Variants in MPRIP observed in about 807,000 individuals in gnomAD.
MPRIP encodes the protein myosin phosphatase Rho-interacting protein.
Under a neutral mutation model 234.9 loss-of-function variants are expected in MPRIP, and 59 were observed. The observed-to-expected ratio is 0.25, with a 90% CI of 0.20 to 0.31. The LOEUF (loss-of-function observed/expected upper bound fraction) is 0.31. Among genes scored for constraint, MPRIP ranks in the 10% least tolerant of loss-of-function variants. MPRIP has a pLI of 1.00. For missense variants in MPRIP, 2,436 were observed against 3,071.0 expected (o/e 0.79, Z 4.89); for synonymous variants, 1,144 against 1,263.9 (o/e 0.91, Z 2.01).
chr17:17,161,107 A>G (rs754194753), intron 14 of MPRIP, 133 bp from the exon 15 acceptor site: 1 of 578,516 alleles, frequency 1.7e-6, no homozygotes, highest in South Asian at 2.6e-5. Flanking sequence ...AGGCCATATC[A>G]GCACATCTGC....
At chr17:17,146,149 G>C (rs2045460453) in intron 10 of MPRIP, 57 bp downstream of exon 10, 1 of 1,511,920 alleles carries the variant, frequency 6.6e-7, no homozygotes, top group Non-Finnish European at 9.2e-7. Context: ...GTGAGGGTGA[G>C]CTGTCCTTGT....
rs1319392830 is a variant in MPRIP, at chr17:17,166,526, T to A, written c.4935T>A (p.Gly1645=). Residue 1645 remains glycine (G), a synonymous_variant, in exon 16 of 24, where the codon GGT becomes GGA. Transcript: ENST00000651222. This position sits in a 1 kb window ranked among gnomAD's most constrained non-coding sequence, Gnocchi z 4.4. ...HLGTLGGEAV[G]ASGDGQQSIP... is the part of the protein sequence containing the mutation. ...GGACACTGGGAGGAGAGGCAGTCGGTGCCTCAGGAGACGGGCAGCAAAGCA... is the reference window on the plus strand; with the variant it reads ...GGACACTGGGAGGAGAGGCAGTCGGAGCCTCAGGAGACGGGCAGCAAAGCA... 7.7e-7 allele frequency: 1 copy of A among 1,304,064 alleles called. No homozygotes were observed. The highest frequency in any genetic ancestry group is 1.0e-6 in the Non-Finnish European group (1 of 988,940). The allele number at this position is 1,304,064 out of a possible 1,614,324, so 80.8% of individuals were successfully genotyped here. A position where few individuals can be genotyped will look rare whatever the true frequency, so the allele number is the denominator to read the frequency against.
In MPRIP at chr17:17,078,091, T is replaced by G. The variant is rs1567699641; in HGVS notation, c.267+15T>G. ...TGGATGAGATGGTAAGTGTTATCCT[T>G]GCCCACTCCCTGTCCCCAGCCTTCA... On this transcript the variant is annotated intron_variant, in intron 3 of 23. Coordinates refer to ENST00000651222, the MANE Select transcript of MPRIP (RefSeq NM_001364716.4). This position sits in a 1 kb window ranked among gnomAD's most constrained non-coding sequence, Gnocchi z 4.3. 1.9e-6 allele frequency: 3 copies of G among 1,613,822 alleles called. No homozygotes were observed. The highest frequency in any genetic ancestry group is 2.5e-6 in the Non-Finnish European group (3 of 1,179,766).
At chr17:17,062,440 A>G (rs2088895801) in intron 1 of MPRIP, among the ~76,000 whole-genome samples, 1 of 152,156 alleles carries the variant, frequency 6.6e-6, no homozygotes, top group Admixed American at 6.5e-5. Flanking sequence ...TCAACTCTCA[A>G]TCTTTGTCCA....
intron 1 of MPRIP, among the ~76,000 whole-genome samples, chr17:17,064,103 C>T (rs571533226): frequency 6.6e-6 from 1 of 152,262 alleles, no homozygotes; most frequent in East Asian, 1.9e-4. Context: ...CCATGGCAGG[C>T]AGGCGTCACT....
Position 17,042,610 on chromosome 17 carries a change from C to A in MPRIP, c.-239C>A. 5.3e-6 allele frequency: 1 copy of A among 187,710 alleles called. No individual in the cohort carries two copies. Among genetic ancestry groups the A allele is most frequent in the Non-Finnish European group, 9.7e-6 (1 of 103,230 alleles). 11.6% of individuals were successfully genotyped at this position (187,710 alleles called of 1,614,324 possible). A position where few individuals can be genotyped will look rare whatever the true frequency, so the allele number is the denominator to read the frequency against. ...GCCCGAGGCCGCGTCCATGGGCCCGCGGCGGCCGGGCGGCGGCGGTGCGGG... is the reference window on the plus strand; with the variant it reads ...GCCCGAGGCCGCGTCCATGGGCCCGAGGCGGCCGGGCGGCGGCGGTGCGGG... On this transcript the variant is annotated 5_prime_UTR_variant, in exon 1 of 24. Coordinates refer to ENST00000651222, the MANE Select transcript of MPRIP (RefSeq NM_001364716.4).
Position 17,172,833 on chromosome 17 carries a change from C to T in MPRIP, c.6590+18C>T. 1.2e-6 allele frequency: 2 copies of T among 1,601,862 alleles called. No individual in the cohort carries two copies. The highest frequency in any genetic ancestry group is 4.5e-5 in the East Asian group (2 of 44,798). On this transcript the variant is annotated intron_variant, in intron 18 of 23. Coordinates refer to ENST00000651222, the MANE Select transcript of MPRIP (RefSeq NM_001364716.4). ...CAGTACCTGTAAGTGGCTGGGCCTG[C>T]CCATCTGCCCTTGGGAGGGCCCCTC...
chr17:17,061,485 C>T (rs1055743458), intron 1 of MPRIP, among the ~76,000 whole-genome samples: 1 of 152,194 alleles, frequency 6.6e-6, no homozygotes, highest in Admixed American at 6.5e-5. Flanking sequence ...ATATTAGCCA[C>T]GGTTTGCACG....
intron 4 of MPRIP, among the ~76,000 whole-genome samples, chr17:17,131,327 C>G (rs2144421232): frequency 6.6e-6 from 1 of 152,234 alleles, no homozygotes; most frequent in East Asian, 1.9e-4. Context: ...TAGGGCAATT[C>G]CAGGCCCTGG....
Position 17,082,030 on chromosome 17 carries a change from C to G in MPRIP, c.267+3954C>G, listed in dbSNP as rs367915256. On this transcript the variant is annotated intron_variant, in intron 3 of 23. Coordinates refer to ENST00000651222, the MANE Select transcript of MPRIP (RefSeq NM_001364716.4). ...AGAAACCCAGATTGCTGCCTCTGTC[C>G]TCTGCCTTTGTTTCTCCACCTGTAA... is the stretch of plus-strand genomic sequence containing the variant. Among the ~76,000 whole-genome samples, 25 of 152,146 alleles carry G rather than the reference C, an allele frequency of 1.6e-4. 2 individuals are homozygous for G. The highest frequency in any genetic ancestry group is 1.1e-3 in the Admixed American group (17 of 15,274).
intron 3 of MPRIP, among the ~76,000 whole-genome samples, chr17:17,123,695 C>T (rs2090435496): frequency 8.6e-6 from 1 of 116,756 alleles, no homozygotes; most frequent in African/African-American, 3.7e-5. Flanking sequence ...CAGAGCGAGA[C>T]TTCGTCTCAA....
intron 1 of MPRIP, among the ~76,000 whole-genome samples, chr17:17,050,628 C>T (rs1190088894): frequency 2.0e-5 from 3 of 152,224 alleles, no homozygotes; most frequent in Admixed American, 6.5e-5. Flanking sequence ...CTGTTTGTGT[C>T]CCCACTCCTC....
intron 3 of MPRIP, among the ~76,000 whole-genome samples, chr17:17,082,787 C>T (rs1045993450): frequency 2.6e-5 from 4 of 152,226 alleles, no homozygotes; most frequent in Non-Finnish European, 5.9e-5. Context: ...TCCCCAGCCC[C>T]TGGAAACCCC....
At chr17:17,133,565 C>T (rs1237784967) in intron 5 of MPRIP, among the ~76,000 whole-genome samples, 5 of 152,200 alleles carry the variant, frequency 3.3e-5, no homozygotes, top group Admixed American at 6.5e-5. Flanking sequence ...CTCCATGGCC[C>T]AGTGTTGGCC....
chr17:17,064,300 G>A (rs1482317227), intron 1 of MPRIP, among the ~76,000 whole-genome samples: 1 of 151,264 alleles, frequency 6.6e-6, no homozygotes, highest in African/African-American at 2.4e-5. Context: ...TTCCTGGGTT[G>A]AAGCGATTCT....
chr17:17,044,740 G>A (rs894558639), intron 1 of MPRIP, among the ~76,000 whole-genome samples: 2 of 152,158 alleles, frequency 1.3e-5, no homozygotes, highest in Non-Finnish European at 2.9e-5. Context: ...AATCTGCTAA[G>A]ATTTTTTTTA....
In MPRIP at chr17:17,165,205, CAG is replaced by C; in HGVS notation, c.3616_3617del (p.Glu1206AsnfsTer2). The C allele has an allele frequency of 7.7e-7, 1 of 1,304,126 alleles. No individual in the cohort carries two copies. Among genetic ancestry groups the C allele is most frequent in the African/African-American group, 1.5e-5 (1 of 65,980 alleles). 80.8% of individuals were successfully genotyped at this position (1,304,126 alleles called of 1,614,324 possible). A position where few individuals can be genotyped will look rare whatever the true frequency, so the allele number is the denominator to read the frequency against. ...GCCTTGGGGAGCAGCTTAGAGGAAA[CAG>C]AAATTAAGCTCCAGGCAAAAGAAGA... On this transcript the variant is annotated frameshift_variant, in exon 16 of 24. Coordinates refer to ENST00000651222, the MANE Select transcript of MPRIP (RefSeq NM_001364716.4). LOFTEE classifies it high-confidence loss of function.
At chr17:17,136,746 C>G (rs1810588663) in intron 6 of MPRIP, among the ~76,000 whole-genome samples, 1 of 152,208 alleles carries the variant, frequency 6.6e-6, no homozygotes, top group Non-Finnish European at 1.5e-5. Flanking sequence ...GCAGCAGGGT[C>G]TGTGGATGGG....
intron 5 of MPRIP, among the ~76,000 whole-genome samples, chr17:17,135,677 T>TGA (rs375451392): frequency 1.0e-3 from 152 of 152,276 alleles, no homozygotes; most frequent in African/African-American, 3.6e-3. Context: ...ATCCTGTACA[T>TGA]GAGGGCTCCA....
Sources: allele counts gnomAD v4.1 joint callset (sites outside exome capture counted in the v4.1 genomes callset), GRCh38; gene constraint gnomAD v4.1.1; non-coding constraint Gnocchi (gnomAD v3.1); transcripts MANE v1.5; gene names NCBI Gene and HGNC (gene_info 2026-07-23, HGNC 2026-07-21).